The following TECRL variants were observed in gnomAD, a reference collection of about 807,000 sequenced individuals.
TECRL encodes trans-2,3-enoyl-CoA reductase like.
In TECRL, 63 loss-of-function variants were observed where a neutral mutation model predicts 52.8. The observed-to-expected ratio is 1.19, with a 90% CI of 0.97 to 1.47. The LOEUF is 1.47. Among genes scored for constraint, TECRL ranks in the 40% most tolerant of loss-of-function variants. TECRL has a pLI of 0.00. For synonymous variants in TECRL, 164 were observed against 141.9 expected, an observed-to-expected ratio of 1.16 and a Z score of -1.10; for missense variants, 482 against 429.6, an observed-to-expected ratio of 1.12 and a Z score of -1.08.
At chr4:64,346,825 T>C (rs749968632) in intron 2 of TECRL, among the ~76,000 whole-genome samples, 4 of 152,206 alleles carry the variant, frequency 2.6e-5, no homozygotes, top group Non-Finnish European at 5.9e-5. Context: ...TTTCTCCTAG[T>C]CTCCTGGATA....
rs750404424 is a variant in TECRL, at chr4:64,300,059, T to G, written c.731-42A>C. The G allele has an allele frequency of 8.1e-6, 12 of 1,482,274 alleles. No homozygotes were observed. In the South Asian group the frequency reaches 1.6e-4, roughly 20 times the overall value. The allele number at this position is 1,482,274 out of a possible 1,614,324, so 91.8% of individuals were successfully genotyped here. A position where few individuals can be genotyped will look rare whatever the true frequency, so the allele number is the denominator to read the frequency against. On this transcript the variant is annotated intron_variant, in intron 7 of 11. Transcript: ENST00000381210. ...GAATATGTCATGCAGATACTCATAG[T>G]TTGGATTGTCAAATATATAGACATA...
chr4:64,338,851 C>A (rs1441493714), intron 2 of TECRL, among the ~76,000 whole-genome samples: 3 of 152,134 alleles, frequency 2.0e-5, no homozygotes. Flanking sequence ...TAAACTAGTT[C>A]AACCATTGTG....
chr4:64,304,239 A>T, intron 7 of TECRL, among the ~76,000 whole-genome samples: 1 of 152,034 alleles, frequency 6.6e-6, no homozygotes, highest in Non-Finnish European at 1.5e-5. Flanking sequence ...TATTTGAAAA[A>T]TCAGAAGATA....
chr4:64,314,856 G>T (rs1468623843), intron 4 of TECRL, 93 bp from the exon 5 acceptor site: 2 of 854,186 alleles, frequency 2.3e-6, no homozygotes, highest in South Asian at 1.5e-5. Context: ...GCATAAATTG[G>T]TGAAACAGGT....
At chr4:64,332,352 G>T (rs1293083247) in intron 2 of TECRL, among the ~76,000 whole-genome samples, 1 of 152,142 alleles carries the variant, frequency 6.6e-6, no homozygotes, top group Non-Finnish European at 1.5e-5. Context: ...CTCCATCCCT[G>T]TTTGAATTAA....
intron 1 of TECRL, among the ~76,000 whole-genome samples, chr4:64,381,534 C>A (rs1405224685): frequency 6.6e-6 from 1 of 151,672 alleles, no homozygotes; most frequent in Admixed American, 6.6e-5. Context: ...GTCATATATG[C>A]CCTTTATGTT....
intron 8 of TECRL, chr4:64,299,202 G>A (rs2109971279): frequency 6.6e-6 from 1 of 151,326 alleles, no homozygotes; most frequent in Middle Eastern, 3.4e-3. Flanking sequence ...GGAAGCAAGA[G>A]AGGGTCATGT....
intron 2 of TECRL, among the ~76,000 whole-genome samples, chr4:64,363,958 A>G (rs1721403621): frequency 6.6e-6 from 1 of 152,114 alleles, no homozygotes; most frequent in South Asian, 2.1e-4. Flanking sequence ...CCCTAAAAAT[A>G]TACATTATTA....
At chr4:64,358,343 T>C (rs1370277539) in intron 2 of TECRL, among the ~76,000 whole-genome samples, 1 of 151,874 alleles carries the variant, frequency 6.6e-6, no homozygotes, top group Non-Finnish European at 1.5e-5. Context: ...GTTAAATAAA[T>C]AAATAATCAT....
At chr4:64,345,170 A>G (rs1034094444) in intron 2 of TECRL, among the ~76,000 whole-genome samples, 5 of 152,138 alleles carry the variant, frequency 3.3e-5, no homozygotes, top group Admixed American at 2.6e-4. Flanking sequence ...GGATCTAGAA[A>G]TACCATTTGA....
intron 2 of TECRL, among the ~76,000 whole-genome samples, chr4:64,374,469 G>T (rs2109675991): frequency 6.6e-6 from 1 of 151,208 alleles, no homozygotes; most frequent in Non-Finnish European, 1.5e-5. Flanking sequence ...GTGCAGGTTT[G>T]TTACATATGT....
At chr4:64,388,937 C>T (rs1287094899) in intron 1 of TECRL, among the ~76,000 whole-genome samples, 1 of 151,644 alleles carries the variant, frequency 6.6e-6, no homozygotes, top group African/African-American at 2.4e-5. Context: ...CATATATTAA[C>T]CTTGTATCCT....
At chr4:64,291,721 T>C (rs1287843777) in intron 8 of TECRL, among the ~76,000 whole-genome samples, 1 of 151,956 alleles carries the variant, frequency 6.6e-6, no homozygotes, top group African/African-American at 2.4e-5. Flanking sequence ...ATAGGTTTAG[T>C]TAGAGCCTGG....
At chr4:64,360,227 G>A (rs1721079517) in intron 2 of TECRL, among the ~76,000 whole-genome samples, 1 of 145,276 alleles carries the variant, frequency 6.9e-6, no homozygotes, top group East Asian at 2.1e-4. Flanking sequence ...GGGATAATGG[G>A]AGATAAATTC....
intron 1 of TECRL, among the ~76,000 whole-genome samples, chr4:64,397,042 G>C (rs1472439014): frequency 6.6e-6 from 1 of 152,072 alleles, no homozygotes; most frequent in Non-Finnish European, 1.5e-5. Context: ...TGGAACATGA[G>C]AGAGAACCCA....
intron 1 of TECRL, among the ~76,000 whole-genome samples, chr4:64,404,116 T>C (rs1226302782): frequency 6.6e-6 from 1 of 151,918 alleles, no homozygotes; most frequent in Non-Finnish European, 1.5e-5. Flanking sequence ...ATTTCTACTG[T>C]TTTCTGAGGA....
intron 1 of TECRL, among the ~76,000 whole-genome samples, chr4:64,387,941 T>C (rs1055626250): frequency 6.6e-6 from 1 of 151,832 alleles, no homozygotes; most frequent in Non-Finnish European, 1.5e-5. Flanking sequence ...ATAAGACTTT[T>C]GCAAATATTT....
chr4:64,342,433 A>G (rs201863847), intron 2 of TECRL, among the ~76,000 whole-genome samples: 145 of 150,074 alleles, frequency 9.7e-4, no homozygotes, highest in African/African-American at 1.2e-3. Flanking sequence ...ATATATATAT[A>G]TGTGTGTGTG....
At chr4:64,382,115 T>G (rs1722835148) in intron 1 of TECRL, among the ~76,000 whole-genome samples, 1 of 150,222 alleles carries the variant, frequency 6.7e-6, no homozygotes, top group Non-Finnish European at 1.5e-5. Flanking sequence ...GTTTTGTTAC[T>G]CATTATTGGT....
Sources: allele counts gnomAD v4.1 joint callset (sites outside exome capture counted in the v4.1 genomes callset), GRCh38; gene constraint gnomAD v4.1.1; transcripts MANE v1.5; gene names NCBI Gene and HGNC (gene_info 2026-07-23, HGNC 2026-07-21).